The following SPRR2G variants were observed in gnomAD, a reference collection of about 807,000 sequenced individuals.
The protein encoded by SPRR2G is small proline rich protein 2G.
In SPRR2G, 1 loss-of-function variant was observed where a neutral mutation model predicts 0.7. That is an observed-to-expected ratio of 1.49 (90% CI 0.53 to 7.06). The LOEUF is 7.06. Among genes scored for constraint, SPRR2G ranks in the 30% most tolerant of loss-of-function variants. SPRR2G has a pLI of 0.14. For synonymous variants in SPRR2G, 38 were observed against 33.9 expected (o/e 1.12, Z -0.42); for missense variants, 96 against 88.5 (o/e 1.09, Z -0.34).
At chr1:153,200,283 A>T in the SPRR2G span, among the ~76,000 whole-genome samples, 14 of 152,314 alleles carry the variant, frequency 9.2e-5, no homozygotes, top group African/African-American at 3.4e-4. Context: ...GCTATGGAGA[A>T]GGGGTCTGAG....
chr1:153,201,210 T>C, the SPRR2G span, among the ~76,000 whole-genome samples: 1 of 152,122 alleles, frequency 6.6e-6, no homozygotes, highest in Non-Finnish European at 1.5e-5. Flanking sequence ...AAGTGAAAGG[T>C]AAGGCTAGTA....
At chr1:153,187,003 C>G in the SPRR2G span, among the ~76,000 whole-genome samples, 3 of 152,144 alleles carry the variant, frequency 2.0e-5, no homozygotes, top group Non-Finnish European at 4.4e-5. Flanking sequence ...AAATTCTTTT[C>G]TTTAGGAATG....
chr1:153,157,304 T>A, the SPRR2G span, among the ~76,000 whole-genome samples: 1 of 152,270 alleles, frequency 6.6e-6, no homozygotes, highest in East Asian at 1.9e-4. Flanking sequence ...TAAAAACACA[T>A]ACTGACAAAT....
chr1:153,175,003 A>T, the SPRR2G span, among the ~76,000 whole-genome samples: 2 of 152,196 alleles, frequency 1.3e-5, no homozygotes. Flanking sequence ...GTATTTATTA[A>T]TTGTGCTATG....
chr1:153,170,585 CAA>C, the SPRR2G span, among the ~76,000 whole-genome samples: 1 of 151,768 alleles, frequency 6.6e-6, no homozygotes, highest in Non-Finnish European at 1.5e-5. Context: ...GGCAAGAGGA[CAA>C]GAGAGAGGAA....
the SPRR2G span, chr1:153,190,827 A>G: frequency 6.6e-6 from 1 of 150,954 alleles, no homozygotes; most frequent in African/African-American, 2.4e-5. Context: ...AACAAAGCTC[A>G]CCCCTTCCTC....
chr1:153,200,323 T>C, the SPRR2G span, among the ~76,000 whole-genome samples: 1 of 152,078 alleles, frequency 6.6e-6, no homozygotes, highest in Non-Finnish European at 1.5e-5. Context: ...AGTGGGATTA[T>C]AGGGCCAACA....
the SPRR2G span, among the ~76,000 whole-genome samples, chr1:153,184,022 T>C: frequency 6.6e-6 from 1 of 152,164 alleles, no homozygotes; most frequent in Non-Finnish European, 1.5e-5. Flanking sequence ...AAAGATCAGA[T>C]GGTTGTAGAT....
chr1:153,186,237 G>C, the SPRR2G span, among the ~76,000 whole-genome samples: 1 of 152,094 alleles, frequency 6.6e-6, no homozygotes, highest in Non-Finnish European at 1.5e-5. Flanking sequence ...GGTCTGCTTG[G>C]TCCAGACCTG....
At chr1:153,181,219 T>C in the SPRR2G span, among the ~76,000 whole-genome samples, 1 of 152,170 alleles carries the variant, frequency 6.6e-6, no homozygotes, top group East Asian at 1.9e-4. Flanking sequence ...CTGAAGACAT[T>C]CTCCCAGAGT....
At chr1:153,170,023 T>C in the SPRR2G span, among the ~76,000 whole-genome samples, 2 of 152,228 alleles carry the variant, frequency 1.3e-5, no homozygotes, top group Non-Finnish European at 2.9e-5. Context: ...CTAATATAAC[T>C]AATTAATTTA....
the SPRR2G span, among the ~76,000 whole-genome samples, chr1:153,199,413 G>C: frequency 6.6e-6 from 1 of 152,176 alleles, no homozygotes; most frequent in South Asian, 2.1e-4. Context: ...GGAGAGGAGA[G>C]TCTGTGAAGG....
the SPRR2G span, among the ~76,000 whole-genome samples, chr1:153,169,250 C>T: frequency 5.3e-5 from 8 of 152,092 alleles, no homozygotes; most frequent in South Asian, 2.1e-4. Context: ...AACAGTAGAC[C>T]GACGTTCCTT....
At chr1:153,185,729 T>A in the SPRR2G span, among the ~76,000 whole-genome samples, 1 of 152,226 alleles carries the variant, frequency 6.6e-6, no homozygotes, top group African/African-American at 2.4e-5. Flanking sequence ...TCTGGTCAGA[T>A]CTTAGTTACT....
At chr1:153,166,105 A>G in the SPRR2G span, among the ~76,000 whole-genome samples, 2 of 152,170 alleles carry the variant, frequency 1.3e-5, no homozygotes, top group Non-Finnish European at 2.9e-5. Flanking sequence ...CTCACATGAC[A>G]CAATTCCTAG....
chr1:153,151,720 T>C (rs1656471701), upstream of SPRR2G, among the ~76,000 whole-genome samples: 1 of 152,228 alleles, frequency 6.6e-6, no homozygotes, highest in African/African-American at 2.4e-5. Context: ...ATTTACTCCT[T>C]CACAATTTCT....
the SPRR2G span, among the ~76,000 whole-genome samples, chr1:153,201,953 T>G: frequency 6.6e-6 from 1 of 152,228 alleles, no homozygotes; most frequent in South Asian, 2.1e-4. Context: ...CCCTGTTTCC[T>G]CAGCTCTCAT....
At chr1:153,160,508 T>C in the SPRR2G span, among the ~76,000 whole-genome samples, 76,276 of 151,938 alleles carry the variant, frequency 0.5, 19,593 homozygotes, top group Non-Finnish European at 0.57. Flanking sequence ...TCTTCATTCA[T>C]GCCAACAGTA....
chr1:153,197,426 C>T, the SPRR2G span, among the ~76,000 whole-genome samples: 29 of 152,236 alleles, frequency 1.9e-4, no homozygotes, highest in African/African-American at 6.7e-4. Flanking sequence ...AGAAACAGAT[C>T]TCCATCTCCA....
Sources: gnomAD v4.1 joint callset for allele counts (sites outside exome capture counted in the v4.1 genomes callset) on GRCh38, gnomAD v4.1.1 for gene constraint, MANE v1.5 for transcripts, NCBI Gene and HGNC (gene_info 2026-07-23, HGNC 2026-07-21) for gene names.